RTN4RL2: variants seen among roughly 807,000 people sequenced by gnomAD.
RTN4RL2 encodes the protein reticulon 4 receptor like 2, also known as reticulon-4 receptor-like 2.
Under a neutral mutation model 27.8 loss-of-function variants are expected in RTN4RL2, and 9 were observed. The observed-to-expected ratio is 0.32, with a 90% CI of 0.20 to 0.57. The LOEUF (loss-of-function observed/expected upper bound fraction) is 0.57. Among genes scored for constraint, RTN4RL2 ranks in the 20% least tolerant of loss-of-function variants. The pLI is 0.90. For missense variants in RTN4RL2, 436 were observed against 596.8 expected, an observed-to-expected ratio of 0.73 and a Z score of 2.81; for synonymous variants, 285 against 297.9, an observed-to-expected ratio of 0.96 and a Z score of 0.45.
rs1193520645 is a variant in RTN4RL2, at chr11:57,477,045, C to T, written c.*134C>T. 4 of 915,686 alleles carry T rather than the reference C, an allele frequency of 4.4e-6. No individual in the cohort carries two copies. In the African/African-American group the frequency reaches 7.0e-5, roughly 16 times the overall value. The allele number at this position is 915,686 out of a possible 1,614,324, so 56.7% of individuals were successfully genotyped here. On this transcript the variant is annotated 3_prime_UTR_variant, in exon 3 of 3. Coordinates refer to ENST00000335099, the MANE Select transcript of RTN4RL2 (RefSeq NM_178570.3). ...TTTCCCCTCCCAGCTCCTCTCCTCC[C>T]CGGGGAGCAGGCCGCCTCTCCTTGC...
chr11:57,477,246 T>A lies in RTN4RL2; in HGVS notation c.*335T>A. On this transcript the variant is annotated 3_prime_UTR_variant, in exon 3 of 3. Coordinates refer to ENST00000335099, the MANE Select transcript of RTN4RL2 (RefSeq NM_178570.3). Reference sequence around the variant, plus strand: ...GCCCACAGCGGACACCAGAGGGGCTTTTGTCTGCAGAGCGTCTTCCACCAG... The same window carrying A: ...GCCCACAGCGGACACCAGAGGGGCTATTGTCTGCAGAGCGTCTTCCACCAG... 3.8e-6 allele frequency: 1 copy of A among 263,202 alleles called. No individual in the cohort carries two copies. Among genetic ancestry groups the A allele is most frequent in the Non-Finnish European group, 7.2e-6 (1 of 139,316 alleles). The allele number at this position is 263,202 out of a possible 1,614,324, so 16.3% of individuals were successfully genotyped here. A position where few individuals can be genotyped will look rare whatever the true frequency, so the allele number is the denominator to read the frequency against.
chr11:57,463,028 A>G (rs1023690637), intron 1 of RTN4RL2, among the ~76,000 whole-genome samples: 3 of 152,208 alleles, frequency 2.0e-5, no homozygotes, highest in Non-Finnish European at 4.4e-5. Context: ...TGTCTCACAC[A>G]TTCAGGCGTG....
chr11:57,475,760 TCCATACTTCA>T (rs552135574), intron 2 of RTN4RL2, among the ~76,000 whole-genome samples: 335 of 152,204 alleles, frequency 2.2e-3, no homozygotes, highest in Non-Finnish European at 2.6e-3. Context: ...CTCCCCAGTC[TCCATACTTCA>T]CCAAACCAGA....
Position 57,476,964 on chromosome 11 carries a change from C to T in RTN4RL2, c.*53C>T, listed in dbSNP as rs1590735083. Reference sequence around the variant, plus strand: ...TGTCCGATCCCCGCTTCCCGTCCACCCGGGGCTGCGGCTCCGGCCCCAGTC... The same window carrying T: ...TGTCCGATCCCCGCTTCCCGTCCACTCGGGGCTGCGGCTCCGGCCCCAGTC... On this transcript the variant is annotated 3_prime_UTR_variant, in exon 3 of 3. Transcript: ENST00000335099. This position sits in a 1 kb window ranked among gnomAD's most constrained non-coding sequence, Gnocchi z 8.2. 19 of 1,489,710 alleles carry T rather than the reference C, an allele frequency of 1.3e-5. No homozygotes were observed. In the East Asian group the frequency reaches 4.8e-4, roughly 37 times the overall value. The allele number at this position is 1,489,710 out of a possible 1,614,324, so 92.3% of individuals were successfully genotyped here.
chr11:57,466,399 G>T (rs746869559), intron 1 of RTN4RL2, among the ~76,000 whole-genome samples: 2 of 152,172 alleles, frequency 1.3e-5, no homozygotes, highest in Non-Finnish European at 2.9e-5. Flanking sequence ...GAGCCCAAGT[G>T]ATCCAAGCTG....
In RTN4RL2 at chr11:57,476,620, C is replaced by G; in HGVS notation, c.972C>G (p.Gly324=). 3 of 1,416,882 alleles carry G rather than the reference C, an allele frequency of 2.1e-6. No homozygotes were observed. The highest frequency in any genetic ancestry group is 2.7e-6 in the Non-Finnish European group (3 of 1,093,242). The allele number at this position is 1,416,882 out of a possible 1,614,324, so 87.8% of individuals were successfully genotyped here. A position where few individuals can be genotyped will look rare whatever the true frequency, so the allele number is the denominator to read the frequency against. ...CGCGGCCGGGCAGCCGCGCCCGCGGCAACAGCTCCTCCAACCACCTGTACG... is the reference window on the plus strand; with the variant it reads ...CGCGGCCGGGCAGCCGCGCCCGCGGGAACAGCTCCTCCAACCACCTGTACG... ...APTRPGSRAR[G]NSSSNHLYGV... Residue 324 remains glycine, a synonymous_variant, in exon 3 of 3, where the codon GGC becomes GGG. Transcript: ENST00000335099. The surrounding 1 kb of genome is among the most constrained non-coding windows in gnomAD (Gnocchi z 8.2).
Position 57,476,050 on chromosome 11 carries a change from T to G in RTN4RL2, c.514-112T>G. ...TGCTATGAATCAAAAGGTCAACCCTTTCTCTTCTGCCACGGTGCACCCCCT... is the reference window on the plus strand; with the variant it reads ...TGCTATGAATCAAAAGGTCAACCCTGTCTCTTCTGCCACGGTGCACCCCCT... On this transcript the variant is annotated intron_variant, in intron 2 of 2. Transcript: ENST00000335099. The surrounding 1 kb of genome is among the most constrained non-coding windows in gnomAD (Gnocchi z 8.2). 9.7e-7 allele frequency: 1 copy of G among 1,033,792 alleles called. No individual in the cohort carries two copies. The highest frequency in any genetic ancestry group is 1.4e-6 in the Non-Finnish European group (1 of 697,884). 64.0% of individuals were successfully genotyped at this position (1,033,792 alleles called of 1,614,324 possible).
intron 2 of RTN4RL2, among the ~76,000 whole-genome samples, chr11:57,474,283 G>A (rs1220950583): frequency 6.6e-6 from 1 of 152,160 alleles, no homozygotes; most frequent in Non-Finnish European, 1.5e-5. Context: ...CAAGAGGAGG[G>A]CTCTTGGCAC....
In RTN4RL2 at chr11:57,467,524, C is replaced by T; in HGVS notation, c.32-85C>T. On this transcript the variant is annotated intron_variant, in intron 1 of 2. Transcript: ENST00000335099. The surrounding 1 kb of genome is among the most constrained non-coding windows in gnomAD (Gnocchi z 5.5). Reference sequence around the variant, plus strand: ...CCACCATATTCAGCCGGGTCTAGGCCTTTTACCAAGTTGGGGGGCTGGCCC... The same window carrying T: ...CCACCATATTCAGCCGGGTCTAGGCTTTTTACCAAGTTGGGGGGCTGGCCC... The T allele has an allele frequency of 6.5e-7, 1 of 1,530,454 alleles. No homozygotes were observed. The highest frequency in any genetic ancestry group is 8.7e-7 in the Non-Finnish European group (1 of 1,143,982). 94.8% of individuals were successfully genotyped at this position (1,530,454 alleles called of 1,614,324 possible). A position where few individuals can be genotyped will look rare whatever the true frequency, so the allele number is the denominator to read the frequency against.
In RTN4RL2 at chr11:57,476,398, G is replaced by T; in HGVS notation, c.750G>T (p.Leu250=). The T allele has an allele frequency of 1.2e-6, 2 of 1,603,878 alleles. No individual in the cohort carries two copies. Among genetic ancestry groups the T allele is most frequent in the South Asian group, 1.1e-5 (1 of 90,846 alleles). Residue 250 remains leucine, a synonymous_variant, in exon 3 of 3, where the codon CTG becomes CTT. Coordinates refer to ENST00000335099, the MANE Select transcript of RTN4RL2 (RefSeq NM_178570.3). The surrounding 1 kb of genome is among the most constrained non-coding windows in gnomAD (Gnocchi z 8.2). ...ASLPGEALAD[L]PSLEFLRLNA... is the part of the protein sequence containing the mutation. The stretch of plus-strand genomic sequence containing the variant: ...TGCCCGGCGAGGCGCTCGCCGACCT[G>T]CCCTCGCTCGAGTTCCTGCGGCTCA...
intron 1 of RTN4RL2, among the ~76,000 whole-genome samples, chr11:57,463,480 G>A (rs192859877): frequency 1.7e-4 from 26 of 152,302 alleles, no homozygotes; most frequent in African/African-American, 5.1e-4. Flanking sequence ...AAGGCGAGCT[G>A]TAGAGACCTG....
Position 57,460,904 on chromosome 11 carries a change from C to A in RTN4RL2, c.31+8C>A. On this transcript the variant is annotated splice_region_variant and intron_variant, in intron 1 of 2. Coordinates refer to ENST00000335099, the MANE Select transcript of RTN4RL2 (RefSeq NM_178570.3). ...TCAGGCGCCTGCTGCAAGGTAAGAA[C>A]GCCAGCGGCGGGAGAGCGGAGGGCA... is the stretch of plus-strand genomic sequence containing the variant. The A allele has an allele frequency of 7.2e-7, 1 of 1,390,626 alleles. No individual in the cohort carries two copies. The highest frequency in any genetic ancestry group is 9.5e-7 in the Non-Finnish European group (1 of 1,056,206). 86.1% of individuals were successfully genotyped at this position (1,390,626 alleles called of 1,614,324 possible).
chr11:57,471,976 A>G (rs1943564718), intron 2 of RTN4RL2, among the ~76,000 whole-genome samples: 1 of 151,892 alleles, frequency 6.6e-6, no homozygotes, highest in Non-Finnish European at 1.5e-5. Context: ...CTCCTGCCTC[A>G]GCCTCCCAAG....
chr11:57,469,014 G>T (rs1943545313), intron 2 of RTN4RL2: 1 of 622,994 alleles, frequency 1.6e-6, no homozygotes, highest in African/African-American at 1.8e-5. Flanking sequence ...GCTGGAAGGG[G>T]GTGAAAATAT....
intron 2 of RTN4RL2, chr11:57,468,742 A>G (rs2135119888): frequency 6.5e-7 from 1 of 1,535,924 alleles, no homozygotes; most frequent in Non-Finnish European, 8.7e-7. Flanking sequence ...CTAGATTCCC[A>G]TTTTCCAAAC....
rs1187671892 is a variant in RTN4RL2 at position 57,467,159 on chromosome 11, T to G, written c.32-450T>G. Among the ~76,000 whole-genome samples the G allele has an allele frequency of 6.6e-6, 1 of 152,182 alleles. No homozygotes were observed. Among genetic ancestry groups the G allele is most frequent in the Non-Finnish European group, 1.5e-5 (1 of 68,022 alleles). ...CAGGCCACTTGAGGCTATAACGTTG[T>G]CCCCTGAGCCCCCAGACATGGGAGC... is the stretch of plus-strand genomic sequence containing the variant. On this transcript the variant is annotated intron_variant, in intron 1 of 2. Transcript: ENST00000335099. This position sits in a 1 kb window ranked among gnomAD's most constrained non-coding sequence, Gnocchi z 5.5.
chr11:57,474,270 G>A (rs188633851), intron 2 of RTN4RL2, among the ~76,000 whole-genome samples: 1 of 152,240 alleles, frequency 6.6e-6, no homozygotes, highest in Non-Finnish European at 1.5e-5. Flanking sequence ...ATCTCAATGT[G>A]GCCAAGAGGA....
Position 57,470,432 on chromosome 11 carries a change from G to T in RTN4RL2, c.513+2342G>T, listed in dbSNP as rs546509298. ...CCAGCTATTTTTTGTATTTTTAGTA[G>T]AGACGGGTTTCACCATGTTGGCCAG... is the stretch of plus-strand genomic sequence containing the variant. On this transcript the variant is annotated intron_variant, in intron 2 of 2. Transcript: ENST00000335099. 2.0e-5 allele frequency among the ~76,000 whole-genome samples: 3 copies of T among 152,188 alleles called. No individual in the cohort carries two copies. The South Asian group carries it at 6.2e-4, about 32-fold the overall frequency.
intron 2 of RTN4RL2, chr11:57,468,837 T>C (rs1194621943): frequency 2.9e-6 from 3 of 1,043,590 alleles, no homozygotes; most frequent in Non-Finnish European, 4.3e-6. Flanking sequence ...ATGGAAGGAA[T>C]ACCAGTAATT....
Sources: allele counts gnomAD v4.1 joint callset (sites outside exome capture counted in the v4.1 genomes callset), GRCh38; gene constraint gnomAD v4.1.1; non-coding constraint Gnocchi (gnomAD v3.1); transcripts MANE v1.5; gene names NCBI Gene and HGNC (gene_info 2026-07-23, HGNC 2026-07-21).